Variants in TFDP2 observed in about 807,000 individuals in gnomAD.
TFDP2 encodes transcription factor Dp-2.
TFDP2 carries 17 observed loss-of-function variants against 59.3 expected under a neutral mutation model. The ratio of observed to expected loss-of-function variants is 0.29; its 90% CI spans 0.20 to 0.43. TFDP2 has a LOEUF of 0.43. Among genes scored for constraint, TFDP2 ranks in the 20% least tolerant of loss-of-function variants. The pLI is 1.00. For missense variants in TFDP2, 391 were observed against 528.8 expected, an observed-to-expected ratio of 0.74 and a Z score of 2.56; for synonymous variants, 180 against 194.7, an observed-to-expected ratio of 0.92 and a Z score of 0.63.
intron 9 of TFDP2, among the ~76,000 whole-genome samples, 191 bp from the exon 10 acceptor site, chr3:141,964,154 A>G (rs980687151): frequency 6.6e-6 from 1 of 152,110 alleles, no homozygotes; most frequent in Non-Finnish European, 1.5e-5. Flanking sequence ...ACATTTTTCC[A>G]TCATCCATAG....
chr3:142,017,645 C>T (rs947873042), intron 3 of TFDP2, among the ~76,000 whole-genome samples: 2 of 147,628 alleles, frequency 1.4e-5, no homozygotes, highest in Admixed American at 6.8e-5. Flanking sequence ...CTGTGCCTGC[C>T]GGGTTCATGC....
rs1488937225 is a variant in TFDP2 at position 142,131,001 on chromosome 3, C to T, written c.-93+18182G>A. ...GCAGGAGGCGGAGGTTGCAGTGAGCCAAGATCACGCCATTGCACTCCAGCC... is the reference window on the plus strand; with the variant it reads ...GCAGGAGGCGGAGGTTGCAGTGAGCTAAGATCACGCCATTGCACTCCAGCC... On this transcript the variant is annotated intron_variant, in intron 1 of 12. Coordinates refer to ENST00000489671, the MANE Select transcript of TFDP2 (RefSeq NM_001178139.2). 5.8e-5 allele frequency among the ~76,000 whole-genome samples: 8 copies of T among 139,130 alleles called. 3 individuals are homozygous for T. The highest frequency in any genetic ancestry group is 2.3e-4 in the African/African-American group (8 of 34,574). The allele number at this position is 139,130 out of a possible 152,430, so 91.3% of individuals were successfully genotyped here. A position where few individuals can be genotyped will look rare whatever the true frequency, so the allele number is the denominator to read the frequency against.
At chr3:142,050,531 TAAAAA>T (rs1453466931) in intron 3 of TFDP2, among the ~76,000 whole-genome samples, 1 of 151,408 alleles carries the variant, frequency 6.6e-6, no homozygotes, top group African/African-American at 2.4e-5. Context: ...CTGTCTCTAC[TAAAAA>T]CACAAAAAAA....
intron 1 of TFDP2, among the ~76,000 whole-genome samples, chr3:142,126,625 C>G (rs2062263393): frequency 6.6e-6 from 1 of 151,986 alleles, no homozygotes; most frequent in Non-Finnish European, 1.5e-5. Context: ...TATGAACACA[C>G]AGGTCTCTAT....
chr3:142,097,613 A>G (rs2061200671), intron 2 of TFDP2, among the ~76,000 whole-genome samples: 1 of 152,118 alleles, frequency 6.6e-6, no homozygotes, highest in Non-Finnish European at 1.5e-5. Context: ...TGAGCCCAGG[A>G]GGTGGAGGCT....
rs1188223639 is a variant in TFDP2 at position 141,949,634 on chromosome 3, G to GAATGACGCCACACGCCTGAA, written c.*2859_*2878dup. 1 of 152,372 alleles carries GAATGACGCCACACGCCTGAA rather than the reference G, an allele frequency of 6.6e-6. No homozygotes were observed. Among genetic ancestry groups the GAATGACGCCACACGCCTGAA allele is most frequent in the African/African-American group, 2.4e-5 (1 of 41,528 alleles). 9.4% of individuals were successfully genotyped at this position (152,372 alleles called of 1,614,324 possible). ...TAAGTAGAGCCAGCACTTCCTCCAT[G>GAATGACGCCACACGCCTGAA]AATGACGCCACACGCCTGAAAGGGG... On this transcript the variant is annotated 3_prime_UTR_variant, in exon 13 of 13. Transcript: ENST00000489671.
chr3:142,093,953 C>T (rs750202159), intron 2 of TFDP2: 4 of 511,816 alleles, frequency 7.8e-6, no homozygotes, highest in Non-Finnish European at 1.6e-5. Flanking sequence ...TGTCAGCATA[C>T]GTTACTGTCA....
intron 3 of TFDP2, among the ~76,000 whole-genome samples, chr3:142,016,209 G>T (rs1945122365): frequency 6.6e-6 from 1 of 150,706 alleles, no homozygotes; most frequent in Non-Finnish European, 1.5e-5. Flanking sequence ...CACTATGTTG[G>T]CCAGGCTGGT....
intron 4 of TFDP2, among the ~76,000 whole-genome samples, chr3:142,003,200 T>C (rs1292247513): frequency 2.6e-5 from 4 of 152,094 alleles, no homozygotes; most frequent in South Asian, 2.1e-4. Flanking sequence ...GGGGTTTCAC[T>C]GTGTTAGCCA....
At chr3:142,023,387 C>T (rs1174473074) in intron 3 of TFDP2, among the ~76,000 whole-genome samples, 1 of 150,972 alleles carries the variant, frequency 6.6e-6, no homozygotes, top group African/African-American at 2.4e-5. Context: ...GACAGGGTTT[C>T]GCCATGTTGT....
chr3:141,958,236 A>G (rs1936936081), intron 11 of TFDP2, among the ~76,000 whole-genome samples: 1 of 152,198 alleles, frequency 6.6e-6, no homozygotes, highest in Non-Finnish European at 1.5e-5. Context: ...ATCGGAAACA[A>G]ACAGTTTATT....
intron 1 of TFDP2, among the ~76,000 whole-genome samples, chr3:142,105,425 G>C (rs545113415): frequency 6.6e-6 from 1 of 152,150 alleles, no homozygotes; most frequent in African/African-American, 2.4e-5. Flanking sequence ...TTGTTGGTGT[G>C]GGCTACCAGA....
intron 9 of TFDP2, among the ~76,000 whole-genome samples, chr3:141,967,012 G>A (rs1938191891): frequency 6.6e-6 from 1 of 151,656 alleles, no homozygotes; most frequent in Non-Finnish European, 1.5e-5. Flanking sequence ...CGCCTCCCGG[G>A]TTCAAGTGAA....
intron 3 of TFDP2, among the ~76,000 whole-genome samples, chr3:142,045,825 G>A (rs1244402456): frequency 6.7e-6 from 1 of 150,330 alleles, no homozygotes; most frequent in Non-Finnish European, 1.5e-5. Flanking sequence ...ATTTCACCAT[G>A]TTGGCTAGGC....
intron 1 of TFDP2, chr3:142,126,047 A>G (rs1333562406): frequency 3.3e-5 from 5 of 152,206 alleles, no homozygotes; most frequent in African/African-American, 1.2e-4. Context: ...TATTGTAATC[A>G]AATCCTATGT....
chr3:142,009,595 C>T (rs1040672748), intron 3 of TFDP2, among the ~76,000 whole-genome samples: 3 of 151,674 alleles, frequency 2.0e-5, no homozygotes, highest in Non-Finnish European at 2.9e-5. Flanking sequence ...ACCTGTAATC[C>T]CAGCTACTTG....
intron 3 of TFDP2, among the ~76,000 whole-genome samples, chr3:142,090,562 C>CTTCT: frequency 7.2e-6 from 1 of 139,268 alleles, no homozygotes; most frequent in East Asian, 2.1e-4. Context: ...TCTTTCTTTC[C>CTTCT]TTTTTTTTTT....
chr3:142,093,606 A>G (rs1576964469), intron 2 of TFDP2, among the ~76,000 whole-genome samples: 1 of 152,228 alleles, frequency 6.6e-6, no homozygotes, highest in African/African-American at 2.4e-5. Flanking sequence ...TTGCCAATAG[A>G]TATTTCAAAA....
At chr3:142,027,583 A>G (rs1038597771) in intron 3 of TFDP2, among the ~76,000 whole-genome samples, 23 of 152,316 alleles carry the variant, frequency 1.5e-4, no homozygotes, top group African/African-American at 5.5e-4. Context: ...CACTGTATCT[A>G]TTAAAAACAT....
Sources: gnomAD v4.1 joint callset for allele counts (sites outside exome capture counted in the v4.1 genomes callset) on GRCh38, gnomAD v4.1.1 for gene constraint, MANE v1.5 for transcripts, NCBI Gene and HGNC (gene_info 2026-07-23, HGNC 2026-07-21) for gene names.